ZC3H3: variants seen among roughly 807,000 people sequenced by gnomAD.
ZC3H3 encodes zinc finger CCCH-type containing 3, also known as zinc finger CCCH domain-containing protein 3.
In ZC3H3, 36 loss-of-function variants were observed where a neutral mutation model predicts 77.3. That is an observed-to-expected ratio of 0.47 (90% CI 0.36 to 0.61). ZC3H3 has a LOEUF of 0.61. Ranked by LOEUF, ZC3H3 falls within the 20% of genes least tolerant of loss-of-function variation. The pLI is 0.00. For synonymous variants in ZC3H3, 626 were observed against 555.2 expected, an observed-to-expected ratio of 1.13 and a Z score of -1.79; for missense variants, 1,331 against 1,312.2, an observed-to-expected ratio of 1.01 and a Z score of -0.22.
chr8:143,475,286 C>G, intron 5 of ZC3H3, 112 bp downstream of exon 5: 1 of 1,333,390 alleles, frequency 7.5e-7, no homozygotes, highest in Non-Finnish European at 1.0e-6. Flanking sequence ...GGGCGTGAGC[C>G]AAGGCCCAGA....
At chr8:143,465,998 G>C (rs1038697901) in intron 8 of ZC3H3, 150 bp from the exon 9 acceptor site, 3 of 1,166,818 alleles carry the variant, frequency 2.6e-6, no homozygotes, top group African/African-American at 3.1e-5. Flanking sequence ...GACCTGCGGG[G>C]CAGGGAAGCT....
intron 4 of ZC3H3, among the ~76,000 whole-genome samples, chr8:143,479,185 T>C (rs1586906624): frequency 6.6e-6 from 1 of 152,176 alleles, no homozygotes. Flanking sequence ...CTGTCTAGGG[T>C]TGCCCTCACC....
At chr8:143,478,191 G>C (rs1820795567) in intron 4 of ZC3H3, among the ~76,000 whole-genome samples, 1 of 152,232 alleles carries the variant, frequency 6.6e-6, no homozygotes, top group South Asian at 2.1e-4. Context: ...ACCCAGGTGT[G>C]CAAGGACTCA....
At chr8:143,516,388 C>T (rs959848667) in intron 3 of ZC3H3, among the ~76,000 whole-genome samples, 5 of 152,232 alleles carry the variant, frequency 3.3e-5, no homozygotes, top group African/African-American at 1.2e-4. Flanking sequence ...ACCCTCTGGC[C>T]CCACGCCCTG....
At chr8:143,492,206 C>T (rs1027095294) in intron 4 of ZC3H3, among the ~76,000 whole-genome samples, 7 of 152,178 alleles carry the variant, frequency 4.6e-5, no homozygotes, top group Non-Finnish European at 1.0e-4. Context: ...GGCAAAGCCT[C>T]GGGGGGAGGA....
intron 4 of ZC3H3, among the ~76,000 whole-genome samples, chr8:143,495,893 C>T (rs865830635): frequency 4.6e-5 from 7 of 152,000 alleles, no homozygotes; most frequent in East Asian, 1.9e-4. Context: ...CAAGCCACTG[C>T]GCCTGGTGAT....
rs563659588 is a variant in ZC3H3 at position 143,536,731 on chromosome 8, C to T, written c.1365-278G>A. Reference sequence around the variant, plus strand: ...GGAGAGCAGAGGGGCCTCAGTGCTCCGTCCCCACCCGCATGTCCACCCCCT... The same window carrying T: ...GGAGAGCAGAGGGGCCTCAGTGCTCTGTCCCCACCCGCATGTCCACCCCCT... On this transcript the variant is annotated intron_variant, in intron 2 of 11. Coordinates refer to ENST00000262577, the MANE Select transcript of ZC3H3 (RefSeq NM_015117.3). Among the ~76,000 whole-genome samples the T allele has an allele frequency of 1.6e-4, 25 of 152,270 alleles. No homozygotes were observed. In the East Asian group the frequency reaches 4.0e-3, roughly 25 times the overall value.
rs111697709 is a variant in ZC3H3 at position 143,471,084 on chromosome 8, G to A, written c.1904-2425C>T. Among the ~76,000 whole-genome samples, 53 of 152,282 alleles carry A rather than the reference G, an allele frequency of 3.5e-4. No individual in the cohort carries two copies. The South Asian group carries it at 9.1e-3, about 26-fold the overall frequency. ...CCTCAGCACCTCCAGGCCCTGCTCC[G>A]GCCAGCACCCACTGGACAGCTGCTG... On this transcript the variant is annotated intron_variant, in intron 5 of 11. Coordinates refer to ENST00000262577, the MANE Select transcript of ZC3H3 (RefSeq NM_015117.3).
chr8:143,490,366 C>A (rs1821168196), intron 4 of ZC3H3, among the ~76,000 whole-genome samples: 1 of 152,258 alleles, frequency 6.6e-6, no homozygotes, highest in African/African-American at 2.4e-5. Context: ...ACACTCCTGT[C>A]CCCTGTGGGG....
At position 143,482,353 on chromosome 8, in the gene ZC3H3, C is replaced by G. The variant is rs559678754; in HGVS notation, c.1716-6768G>C. Among the ~76,000 whole-genome samples, 35 of 152,374 alleles carry G rather than the reference C, an allele frequency of 2.3e-4. No homozygotes were observed. In the South Asian group the frequency reaches 7.2e-3, roughly 32 times the overall value. ...ACAGGGGCCGTATCTGCAAAGACCA[C>G]TGCTGCACCCCTGGCCCTGCGGATG... On this transcript the variant is annotated intron_variant, in intron 4 of 11. Transcript: ENST00000262577.
At chr8:143,508,468 G>A (rs1821775320) in intron 3 of ZC3H3, among the ~76,000 whole-genome samples, 1 of 152,236 alleles carries the variant, frequency 6.6e-6, no homozygotes, top group South Asian at 2.1e-4. Flanking sequence ...CATTTTGCAG[G>A]GTGATAGACA....
rs746407182 is a variant in ZC3H3, at chr8:143,538,081, G to A, written c.1286C>T (p.Pro429Leu). 8.1e-6 allele frequency: 13 copies of A among 1,613,024 alleles called. No individual in the cohort carries two copies. Among genetic ancestry groups the A allele is most frequent in the African/African-American group, 2.7e-5 (2 of 75,064 alleles). Reference protein sequence around the residue: ...RPAVGHSGLKPLSGETPLSAY... With the variant: ...RPAVGHSGLKLLSGETPLSAY... Reference sequence around the variant, plus strand: ...CGAGAGCGGGGTCTCCCCAGAGAGGGGCTTCAAGCCACTGTGTCCTACTGC... The same window carrying A: ...CGAGAGCGGGGTCTCCCCAGAGAGGAGCTTCAAGCCACTGTGTCCTACTGC... The change falls in exon 2 of 12, where the codon CCC becomes CTC. Residue 429 changes from proline to leucine, a missense_variant. Pro to Leu is a moderately conservative substitution (Grantham distance 98). Coordinates refer to ENST00000262577, the MANE Select transcript of ZC3H3 (RefSeq NM_015117.3).
rs1822802899 is a variant in ZC3H3 at position 143,536,445 on chromosome 8, C to T, written c.1373G>A (p.Gly458Glu). The change falls in exon 3 of 12, where the codon GGA (glycine) becomes GAA (glutamate). Residue 458 changes from glycine to glutamate, a missense_variant. Physicochemically the swap from Gly to Glu is moderately conservative, Grantham distance 98. Around this residue, in one of 3 missense-constraint regions of ZC3H3, gnomAD observed 978 missense variants for 915.5 expected, o/e 1.07. Coordinates refer to ENST00000262577, the MANE Select transcript of ZC3H3 (RefSeq NM_015117.3). Reference sequence around the variant, plus strand: ...AGGTGAGGTGCCGCTTTTCTTGTCTCCAGGAAGGCTGTGGAGACAAAATAC... The same window carrying T: ...AGGTGAGGTGCCGCTTTTCTTGTCTTCAGGAAGGCTGTGGAGACAAAATAC... ...IRRRSSTSLP[G>E]DKKSGTSPAA... is the part of the protein sequence containing the mutation. 1 of 1,514,516 alleles carries T rather than the reference C, an allele frequency of 6.6e-7. No homozygotes were observed. Among genetic ancestry groups the T allele is most frequent in the African/African-American group, 1.4e-5 (1 of 71,894 alleles). 93.8% of individuals were successfully genotyped at this position (1,514,516 alleles called of 1,614,324 possible).
At chr8:143,517,267 TC>T (rs1822088771) in intron 3 of ZC3H3, among the ~76,000 whole-genome samples, 1 of 152,096 alleles carries the variant, frequency 6.6e-6, no homozygotes, top group East Asian at 1.9e-4. Flanking sequence ...CCTCCCCTCT[TC>T]CCCACGGCTC....
At chr8:143,438,191 C>T (rs887336560) in intron 11 of ZC3H3, 104 bp from the exon 12 acceptor site, 49 of 1,404,386 alleles carry the variant, frequency 3.5e-5, no homozygotes, top group Non-Finnish European at 4.5e-5. Context: ...TCTGTCAGCC[C>T]AAGCACACAC....
chr8:143,471,570 G>A (rs746067587), intron 5 of ZC3H3, among the ~76,000 whole-genome samples: 2 of 152,230 alleles, frequency 1.3e-5, no homozygotes, highest in Non-Finnish European at 2.9e-5. Context: ...GGCCACATAT[G>A]GGCCATGCTC....
At chr8:143,484,870 A>G (rs775871270) in intron 4 of ZC3H3, 3 of 455,594 alleles carry the variant, frequency 6.6e-6, no homozygotes, top group South Asian at 4.7e-5. Flanking sequence ...AAGACCACAC[A>G]GCAAATCCGG....
Position 143,522,475 on chromosome 8 carries a change from A to C in ZC3H3, c.1561+13782T>G, listed in dbSNP as rs35787775. On this transcript the variant is annotated intron_variant, in intron 3 of 11. Transcript: ENST00000262577. ...AAAATTAGCCGGATGTGATGGCGTG[A>C]GCCTGTAATCCCAGCTACTGGGGAG... is the stretch of plus-strand genomic sequence containing the variant. Among the ~76,000 whole-genome samples the C allele has an allele frequency of 8.4e-3, 1,281 of 152,298 alleles. 9 individuals are homozygous for C. Among genetic ancestry groups the C allele is most frequent in the African/African-American group, 0.029 (1,213 of 41,560 alleles).
chr8:143,440,208 G>A lies in ZC3H3; in HGVS notation c.2648C>T (p.Pro883Leu), dbSNP rs1819699291. The A allele has an allele frequency of 6.2e-7, 1 of 1,610,164 alleles. No individual in the cohort carries two copies. The highest frequency in any genetic ancestry group is 8.5e-7 in the Non-Finnish European group (1 of 1,179,038). ...TGGTGCCTCGTGGTCCAAGGAAGCG[G>A]GAGGGGATGAGGAGGAGGAGGAGGA... is the stretch of plus-strand genomic sequence containing the variant. ...SSSSSSSSSP[P>L]ASLDHEAPSL... The change falls in exon 11 of 12, where the codon CCC becomes CTC. Residue 883 changes from proline (P) to leucine (L), a missense_variant. Pro to Leu is a moderately conservative substitution (Grantham distance 98, BLOSUM62 -3). Transcript: ENST00000262577.
Sources: gnomAD v4.1 joint callset for allele counts (sites outside exome capture counted in the v4.1 genomes callset) on GRCh38, gnomAD v4.1.1 for gene constraint, gnomAD v4.1.1 regional missense constraint, MANE v1.5 for transcripts, NCBI Gene and HGNC (gene_info 2026-07-23, HGNC 2026-07-21) for gene names.